The following PASK variants were observed in gnomAD, a reference collection of about 807,000 sequenced individuals.
PASK encodes the protein PAS domain-containing serine/threonine-protein kinase.
Under a neutral mutation model 121.0 loss-of-function variants are expected in PASK, and 110 were observed. The observed-to-expected ratio is 0.91, with a 90% CI of 0.78 to 1.06. PASK has a LOEUF of 1.06. Among genes scored for constraint, PASK ranks in the 50% least tolerant of loss-of-function variants. The probability of loss-of-function intolerance (pLI) is 0.00; values close to 1 mark genes in which losing one functional copy is unlikely to be tolerated. For missense variants in PASK, 1,643 were observed against 1,702.3 expected (o/e 0.97, Z 0.61); for synonymous variants, 686 against 717.8 (o/e 0.96, Z 0.71).
At chr2:241,114,756 A>G in intron 14 of PASK, 1 of 1,394,982 alleles carries the variant, frequency 7.2e-7, no homozygotes, top group Non-Finnish European at 9.3e-7. Context: ...AATTTTTATG[A>G]TTGTTGTGGA....
chr2:241,134,113 C>T (rs376191201), intron 8 of PASK: 2 of 152,110 alleles, frequency 1.3e-5, no homozygotes, highest in African/African-American at 4.8e-5. Flanking sequence ...CAGTAACTAG[C>T]AAACGTGTTC....
rs756231456 is a variant in PASK at position 241,107,356 on chromosome 2, G to A, written c.3811C>T (p.Pro1271Ser). Residue 1271 changes from proline to serine, a missense_variant, in exon 17 of 18, where the codon CCA becomes TCA. Pro to Ser is a moderately conservative substitution (Grantham distance 74). Transcript: ENST00000234040. ...TWEEVFRVNK[P>S]ESGVLSAASL... ...GAGGGATGCTGAGAAGCCTCACCTGGCTTGTTTACTCGAAACACCTCTTCC... is the reference window on the plus strand; with the variant it reads ...GAGGGATGCTGAGAAGCCTCACCTGACTTGTTTACTCGAAACACCTCTTCC... 1.2e-6 allele frequency: 2 copies of A among 1,613,470 alleles called. No individual in the cohort carries two copies. The highest frequency in any genetic ancestry group is 1.1e-5 in the South Asian group (1 of 91,074).
At chr2:241,138,283 G>A (rs532405920) in intron 5 of PASK, among the ~76,000 whole-genome samples, 196 bp from the exon 6 acceptor site, 1 of 152,304 alleles carries the variant, frequency 6.6e-6, no homozygotes, top group East Asian at 1.9e-4. Flanking sequence ...CCTAAATTGT[G>A]GGCCTTCTTG....
intron 12 of PASK, among the ~76,000 whole-genome samples, chr2:241,116,847 AG>A (rs1191935456): frequency 6.6e-6 from 1 of 152,234 alleles, no homozygotes; most frequent in Non-Finnish European, 1.5e-5. Context: ...TTCAGGTGTC[AG>A]GAAGAGATGC....
intron 9 of PASK, 130 bp downstream of exon 9, chr2:241,132,744 G>A: frequency 1.3e-6 from 1 of 789,984 alleles, no homozygotes; most frequent in Non-Finnish European, 2.2e-6. Context: ...GAGAGCAGGT[G>A]CTCAACACAT....
In PASK at chr2:241,126,251, C is replaced by A. The variant is rs2065857734; in HGVS notation, c.2664G>T (p.Glu888Asp). ...TCCCGGAGTAGGCACCCTCCTGGATCTCCCGCTGCAGGCCAGCAGCCCCGC... is the reference window on the plus strand; with the variant it reads ...TCCCGGAGTAGGCACCCTCCTGGATATCCCGCTGCAGGCCAGCAGCCCCGC... ...VMRGAAGLQR[E>D]IQEGAYSGSC... The change falls in exon 10 of 18, where the codon GAG becomes GAT. Residue 888 changes from glutamate to aspartate, a missense_variant. Glu to Asp is a conservative substitution (Grantham distance 45, BLOSUM62 2). Transcript: ENST00000234040. 6.2e-7 allele frequency: 1 copy of A among 1,614,052 alleles called. No homozygotes were observed. Among genetic ancestry groups the A allele is most frequent in the Non-Finnish European group, 8.5e-7 (1 of 1,180,048 alleles).
In PASK at chr2:241,138,684, CCT is replaced by C; in HGVS notation, c.709_710del (p.Arg237GlyfsTer17). The C allele has an allele frequency of 6.2e-7, 1 of 1,614,136 alleles. No homozygotes were observed. The highest frequency in any genetic ancestry group is 8.5e-7 in the Non-Finnish European group (1 of 1,180,044). ...CCVVVLEPVE[R>X]VSTWVAFQSD... ...TCTGGAAAGCGACCCAGGTCGAGACCCTCTCCACGGGCTCCAGGACCACCACG... is the reference window on the plus strand; with the variant it reads ...TCTGGAAAGCGACCCAGGTCGAGACCCTCCACGGGCTCCAGGACCACCACG... On this transcript the variant is annotated frameshift_variant, in exon 5 of 18. Coordinates refer to ENST00000234040, the MANE Select transcript of PASK (RefSeq NM_015148.4). LOFTEE classifies it high-confidence loss of function.
At chr2:241,115,221 C>T (rs759441166) in intron 13 of PASK, 44 bp from the exon 14 acceptor site, 74 of 1,613,932 alleles carry the variant, frequency 4.6e-5, no homozygotes, top group Non-Finnish European at 6.1e-5. Context: ...AAAACATCTT[C>T]AAGTCAACAA....
In PASK at chr2:241,120,492, C is replaced by CAAAAAAAAAAAAAAAAAAA. The variant is rs568145375; in HGVS notation, c.3072+2239_3072+2240insTTTTTTTTTTTTTTTTTTT. 1.4e-4 allele frequency among the ~76,000 whole-genome samples: 20 copies of CAAAAAAAAAAAAAAAAAAA among 140,028 alleles called. 1 individual carries two copies. Among genetic ancestry groups the CAAAAAAAAAAAAAAAAAAA allele is most frequent in the South Asian group, 6.9e-4 (3 of 4,364 alleles). The allele number at this position is 140,028 out of a possible 152,430, so 91.9% of individuals were successfully genotyped here. On this transcript the variant is annotated intron_variant, in intron 12 of 17. Transcript: ENST00000234040. The stretch of plus-strand genomic sequence containing the variant: ...TGGGCGACAAAGCAAGACTCTGTCT[C>CAAAAAAAAAAAAAAAAAAA]AAAAGAAAAAAAAAATGGGCAAAGG...
intron 12 of PASK, among the ~76,000 whole-genome samples, chr2:241,119,760 G>A (rs901471473): frequency 5.9e-5 from 9 of 152,052 alleles, no homozygotes; most frequent in South Asian, 2.1e-4. Flanking sequence ...ATGAGCCACC[G>A]CGCCCGGCCT....
chr2:241,139,512 A>T (rs925323596), intron 4 of PASK: 2 of 492,498 alleles, frequency 4.1e-6, no homozygotes, highest in Non-Finnish European at 8.3e-6. Context: ...ACAAACACCA[A>T]ACAGAATGTA....
intron 5 of PASK, among the ~76,000 whole-genome samples, chr2:241,138,380 TG>T (rs2066540488): frequency 6.6e-6 from 1 of 152,242 alleles, no homozygotes; most frequent in Non-Finnish European, 1.5e-5. Context: ...GCTACTATCC[TG>T]GGGGGTTTAC....
intron 7 of PASK, among the ~76,000 whole-genome samples, chr2:241,136,410 CAGA>C (rs1279983623): frequency 6.6e-6 from 1 of 152,220 alleles, no homozygotes; most frequent in East Asian, 1.9e-4. Flanking sequence ...GCACCCAGGA[CAGA>C]AGGACTGTGG....
In PASK at chr2:241,108,348, T is replaced by C. The variant is rs748157267; in HGVS notation, c.3534-48A>G. 1.2e-6 allele frequency: 2 copies of C among 1,607,554 alleles called. No homozygotes were observed. The highest frequency in any genetic ancestry group is 2.7e-5 in the African/African-American group (2 of 74,628). ...GGACGCCACGGCACTCAGCGCAGGC[T>C]TGCCAAGCCCGCCCATGGGAAGCAC... On this transcript the variant is annotated intron_variant, in intron 15 of 17. Coordinates refer to ENST00000234040, the MANE Select transcript of PASK (RefSeq NM_015148.4). This position sits in a 1 kb window ranked among gnomAD's most constrained non-coding sequence, Gnocchi z 5.2.
chr2:241,127,336 G>C lies in PASK; in HGVS notation c.1579C>G (p.Gln527Glu). The C allele has an allele frequency of 6.2e-7, 1 of 1,614,188 alleles. No homozygotes were observed. The highest frequency in any genetic ancestry group is 8.5e-7 in the Non-Finnish European group (1 of 1,180,014). ...EEPVAIESPG[Q>E]DLLGESRSEP... ...GACCTGCTTTCTCCCAGAAGATCCT[G>C]TCCGGGGCTCTCTATTGCCACAGGT... The change falls in exon 10 of 18, where the codon CAG (glutamine) becomes GAG (glutamate). Residue 527 changes from glutamine to glutamate, a missense_variant. Coordinates refer to ENST00000234040, the MANE Select transcript of PASK (RefSeq NM_015148.4).
At chr2:241,121,106 G>C (rs1338540366) in intron 12 of PASK, among the ~76,000 whole-genome samples, 1 of 152,236 alleles carries the variant, frequency 6.6e-6, no homozygotes, top group Non-Finnish European at 1.5e-5. Flanking sequence ...CCATTTATAT[G>C]AAGTGTCCAG....
chr2:241,118,815 A>T, intron 12 of PASK: 1 of 559,282 alleles, frequency 1.8e-6, no homozygotes, highest in Non-Finnish European at 2.5e-6. Flanking sequence ...CAGCGTGTAC[A>T]CCAAGCTGTG....
At position 241,112,230 on chromosome 2, in the gene PASK, G is replaced by A. The variant is rs539648069; in HGVS notation, c.3533+10C>T. 2.4e-5 allele frequency: 38 copies of A among 1,605,612 alleles called. No individual in the cohort carries two copies. Among genetic ancestry groups the A allele is most frequent in the South Asian group, 9.9e-5 (9 of 90,910 alleles). ...CACGAGGACGGGCCGCACCGCAGCCGCATACGTACGGATTCCCCATGAGAA... is the reference window on the plus strand; with the variant it reads ...CACGAGGACGGGCCGCACCGCAGCCACATACGTACGGATTCCCCATGAGAA... On this transcript the variant is annotated intron_variant, in intron 15 of 17. Coordinates refer to ENST00000234040, the MANE Select transcript of PASK (RefSeq NM_015148.4). This position sits in a 1 kb window ranked among gnomAD's most constrained non-coding sequence, Gnocchi z 5.2.
chr2:241,137,352 C>T (rs1390483131), intron 6 of PASK, 88 bp from the exon 7 acceptor site: 1 of 1,070,168 alleles, frequency 9.3e-7, no homozygotes, highest in African/African-American at 1.5e-5. Context: ...GACTTCTACC[C>T]CACGTCATCG....
Sources: allele counts gnomAD v4.1 joint callset (sites outside exome capture counted in the v4.1 genomes callset), GRCh38; gene constraint gnomAD v4.1.1; non-coding constraint Gnocchi (gnomAD v3.1); transcripts MANE v1.5; gene names NCBI Gene and HGNC (gene_info 2026-07-23, HGNC 2026-07-21).